The following SHISA9 variants were observed in gnomAD, a reference collection of about 807,000 sequenced individuals.
SHISA9 encodes protein shisa-9.
SHISA9 carries 13 observed loss-of-function variants against 38.0 expected under a neutral mutation model. The ratio of observed to expected loss-of-function variants is 0.34; its 90% CI spans 0.22 to 0.54. The LOEUF is 0.54. Among genes scored for constraint, SHISA9 ranks in the 20% least tolerant of loss-of-function variants. The pLI is 0.91. For missense variants in SHISA9, 538 were observed against 575.8 expected, an observed-to-expected ratio of 0.93 and a Z score of 0.67; for synonymous variants, 275 against 242.0, an observed-to-expected ratio of 1.14 and a Z score of -1.27.
intron 2 of SHISA9, among the ~76,000 whole-genome samples, chr16:13,044,334 C>T (rs1032894522): frequency 6.6e-6 from 1 of 152,240 alleles, no homozygotes; most frequent in Non-Finnish European, 1.5e-5. Context: ...AGAAAGACAT[C>T]AGTTTGGGTT....
At chr16:13,063,146 A>C (rs924169070) in intron 2 of SHISA9, among the ~76,000 whole-genome samples, 5 of 145,870 alleles carry the variant, frequency 3.4e-5, no homozygotes. Flanking sequence ...AGCTGGGACT[A>C]CAGGAGTGTG....
the SHISA9 span, among the ~76,000 whole-genome samples, chr16:13,313,268 A>C: frequency 5.3e-5 from 8 of 151,528 alleles, no homozygotes; most frequent in African/African-American, 1.7e-4. Flanking sequence ...AAAAAAAAAA[A>C]AAAACCCAGT....
At chr16:13,142,741 G>A (rs906791050) in intron 2 of SHISA9, among the ~76,000 whole-genome samples, 1 of 152,128 alleles carries the variant, frequency 6.6e-6, no homozygotes, top group African/African-American at 2.4e-5. Flanking sequence ...TTCACAGAGT[G>A]GGGGGGATGT....
intron 2 of SHISA9, among the ~76,000 whole-genome samples, chr16:13,043,491 G>C (rs2073154939): frequency 6.6e-6 from 1 of 152,160 alleles, no homozygotes; most frequent in Non-Finnish European, 1.5e-5. Flanking sequence ...TGGTGCAAAA[G>C]TAATTGCAGT....
At chr16:13,086,884 C>A (rs568429834) in intron 2 of SHISA9, among the ~76,000 whole-genome samples, 2 of 151,728 alleles carry the variant, frequency 1.3e-5, no homozygotes, top group East Asian at 3.9e-4. Flanking sequence ...AGTTCTAGGG[C>A]ACATGTGCCA....
chr16:13,515,700 T>C, the SHISA9 span, among the ~76,000 whole-genome samples: 1 of 149,220 alleles, frequency 6.7e-6, no homozygotes, highest in Non-Finnish European at 1.5e-5. Context: ...TTCCCTGTAG[T>C]ACTTAATATA....
At chr16:12,910,074 C>T (rs1489179065) in intron 1 of SHISA9, 1 of 152,246 alleles carries the variant, frequency 6.6e-6, no homozygotes, top group Non-Finnish European at 1.5e-5. Flanking sequence ...CCAGGCTGGT[C>T]TCGAACTCTT....
chr16:13,465,733 A>G, the SHISA9 span, among the ~76,000 whole-genome samples: 18 of 152,192 alleles, frequency 1.2e-4, no homozygotes, highest in Non-Finnish European at 2.5e-4. Context: ...GTCTGACTCC[A>G]TGGACCTGTC....
At chr16:13,505,761 G>A in the SHISA9 span, among the ~76,000 whole-genome samples, 1 of 152,198 alleles carries the variant, frequency 6.6e-6, no homozygotes, top group Non-Finnish European at 1.5e-5. Flanking sequence ...TCTTGGGTGA[G>A]ATGACTGTGA....
chr16:13,540,909 C>T, the SHISA9 span, among the ~76,000 whole-genome samples: 1 of 152,208 alleles, frequency 6.6e-6, no homozygotes, highest in African/African-American at 2.4e-5. Flanking sequence ...AAAGCTGTGG[C>T]TTTGATCCCC....
At chr16:12,951,964 G>A (rs751667518) in intron 2 of SHISA9, among the ~76,000 whole-genome samples, 9 of 152,174 alleles carry the variant, frequency 5.9e-5, no homozygotes, top group African/African-American at 1.2e-4. Context: ...ATGTCAATAT[G>A]GCATTTGAAG....
chr16:13,326,404 C>A, the SHISA9 span, among the ~76,000 whole-genome samples: 6 of 152,214 alleles, frequency 3.9e-5, no homozygotes, highest in East Asian at 3.8e-4. Context: ...GGTTTCCAGT[C>A]TCCTTGCATC....
chr16:13,271,205 A>G, the SHISA9 span, among the ~76,000 whole-genome samples: 2 of 152,200 alleles, frequency 1.3e-5, no homozygotes, highest in African/African-American at 4.8e-5. Context: ...TCCAAGAACC[A>G]CACTGGTGAT....
intron 2 of SHISA9, among the ~76,000 whole-genome samples, chr16:13,136,958 C>T (rs1398731140): frequency 6.6e-6 from 1 of 152,126 alleles, no homozygotes; most frequent in Non-Finnish European, 1.5e-5. Flanking sequence ...TCTGCAAAAG[C>T]TTGTAGGTTC....
At chr16:13,105,696 C>T (rs2073919588) in intron 2 of SHISA9, among the ~76,000 whole-genome samples, 1 of 152,140 alleles carries the variant, frequency 6.6e-6, no homozygotes, top group Non-Finnish European at 1.5e-5. Context: ...ATGGCAGTTG[C>T]TTGTGCTGTC....
chr16:13,487,645 T>G, the SHISA9 span, among the ~76,000 whole-genome samples: 1 of 152,248 alleles, frequency 6.6e-6, no homozygotes, highest in East Asian at 1.9e-4. Flanking sequence ...GGGTGGGACA[T>G]CCAAACTTTA....
At chr16:13,275,909 T>G in the SHISA9 span, among the ~76,000 whole-genome samples, 2 of 152,122 alleles carry the variant, frequency 1.3e-5, no homozygotes, top group Non-Finnish European at 1.5e-5. Flanking sequence ...ATTTTTATTT[T>G]TTATTTTTAA....
chr16:13,496,570 GA>G, the SHISA9 span, among the ~76,000 whole-genome samples: 659 of 149,660 alleles, frequency 4.4e-3, 3 homozygotes, highest in African/African-American at 0.015. Flanking sequence ...TAGGTCATGA[GA>G]AAAAAAAATA....
the SHISA9 span, among the ~76,000 whole-genome samples, chr16:13,261,005 A>G: frequency 6.6e-6 from 1 of 152,160 alleles, no homozygotes; most frequent in Non-Finnish European, 1.5e-5. Context: ...TGATAAACCC[A>G]TCAGATCTCG....
Sources: gnomAD v4.1 joint callset for allele counts (sites outside exome capture counted in the v4.1 genomes callset) on GRCh38, gnomAD v4.1.1 for gene constraint, MANE v1.5 for transcripts, NCBI Gene and HGNC (gene_info 2026-07-23, HGNC 2026-07-21) for gene names.